The following BBS9 variants were observed in gnomAD, a reference collection of about 807,000 sequenced individuals.
The protein encoded by BBS9 is protein PTHB1.
A neutral mutation model predicts 117.7 loss-of-function variants in BBS9; 89 were observed. The observed-to-expected ratio is 0.76, with a 90% CI of 0.64 to 0.90. BBS9 has a LOEUF of 0.90. Ranked by LOEUF, BBS9 falls within the 40% of genes least tolerant of loss-of-function variation. The pLI is 0.00. For synonymous variants in BBS9, 379 were observed against 370.9 expected (o/e 1.02, Z -0.25); for missense variants, 982 against 1,042.2 (o/e 0.94, Z 0.80).
At chr7:33,397,029 T>C (rs1046761313) in intron 19 of BBS9, among the ~76,000 whole-genome samples, 2 of 151,820 alleles carry the variant, frequency 1.3e-5, no homozygotes, top group South Asian at 2.1e-4. Context: ...ATCATCAGAG[T>C]GAACAGACAA....
intron 21 of BBS9, among the ~76,000 whole-genome samples, chr7:33,537,527 A>G (rs543924171): frequency 6.6e-6 from 1 of 152,320 alleles, no homozygotes; most frequent in African/African-American, 2.4e-5. Context: ...TGGTGAATAT[A>G]GCTTGTAAGG....
At chr7:33,402,503 C>G (rs1829077028) in intron 19 of BBS9, among the ~76,000 whole-genome samples, 1 of 152,252 alleles carries the variant, frequency 6.6e-6, no homozygotes, top group East Asian at 1.9e-4. Context: ...TCCAGTTACA[C>G]CTAATCCTCA....
chr7:33,378,308 T>C (rs1274621259), intron 17 of BBS9, among the ~76,000 whole-genome samples: 1 of 152,236 alleles, frequency 6.6e-6, no homozygotes, highest in African/African-American at 2.4e-5. Context: ...CTAGCACTTA[T>C]CACTCAGCAA....
chr7:33,558,443 G>A (rs1855613415), intron 21 of BBS9, among the ~76,000 whole-genome samples: 1 of 152,314 alleles, frequency 6.6e-6, no homozygotes, highest in Non-Finnish European at 1.5e-5. Flanking sequence ...AGACATTCCA[G>A]AGAGAGGGAA....
chr7:33,409,187 T>C (rs768139383), intron 19 of BBS9, among the ~76,000 whole-genome samples: 33 of 152,242 alleles, frequency 2.2e-4, no homozygotes, highest in Non-Finnish European at 3.7e-4. Context: ...ATTTTTGTTT[T>C]TGTTGCAATT....
At chr7:33,631,259 C>T (rs1161199477) in intron 21 of BBS9, among the ~76,000 whole-genome samples, 2 of 152,120 alleles carry the variant, frequency 1.3e-5, no homozygotes, top group East Asian at 1.9e-4. Flanking sequence ...CCATGCCGGC[C>T]CTGCAGGCGA....
intron 20 of BBS9, among the ~76,000 whole-genome samples, chr7:33,508,708 C>G (rs577284141): frequency 6.6e-6 from 1 of 152,320 alleles, no homozygotes; most frequent in South Asian, 2.1e-4. Flanking sequence ...TTAAGCCAGG[C>G]AGGGCTGGCA....
At chr7:33,630,305 G>A (rs1865826109) in intron 21 of BBS9, among the ~76,000 whole-genome samples, 1 of 151,962 alleles carries the variant, frequency 6.6e-6, no homozygotes, top group Non-Finnish European at 1.5e-5. Flanking sequence ...AAATAAATGA[G>A]GTGCGAAAAG....
chr7:33,233,973 T>C (rs554135492), intron 5 of BBS9, among the ~76,000 whole-genome samples: 16 of 152,230 alleles, frequency 1.1e-4, no homozygotes, highest in African/African-American at 2.9e-4. Context: ...AAGTTTTAAA[T>C]TGCTCTTCAT....
At chr7:33,346,627 A>G (rs1418308100) in intron 12 of BBS9, among the ~76,000 whole-genome samples, 1 of 152,102 alleles carries the variant, frequency 6.6e-6, no homozygotes, top group Non-Finnish European at 1.5e-5. Context: ...TGTTATTTTC[A>G]TTACCTATCT....
chr7:33,280,525 A>G (rs1266735867), intron 9 of BBS9, among the ~76,000 whole-genome samples: 1 of 152,224 alleles, frequency 6.6e-6, no homozygotes, highest in African/African-American at 2.4e-5. Context: ...CCTGCTTATC[A>G]TGGTCTCCCT....
chr7:33,574,139 C>T (rs750456361), intron 21 of BBS9, among the ~76,000 whole-genome samples: 5 of 152,148 alleles, frequency 3.3e-5, no homozygotes, highest in African/African-American at 9.7e-5. Context: ...GTTCCACCTA[C>T]ACCACATCAT....
At chr7:33,462,517 A>G (rs1296970183) in intron 19 of BBS9, among the ~76,000 whole-genome samples, 59 of 152,130 alleles carry the variant, frequency 3.9e-4, no homozygotes, top group Admixed American at 3.9e-3. Context: ...GGGTGACTGT[A>G]AAAAATATTA....
chr7:33,159,167 C>T (rs890533877), intron 4 of BBS9, among the ~76,000 whole-genome samples: 2 of 152,068 alleles, frequency 1.3e-5, no homozygotes, highest in African/African-American at 4.8e-5. Context: ...AAGGAGGCAG[C>T]TTTAGGCTAA....
chr7:33,576,394 A>G (rs147085421), intron 21 of BBS9, among the ~76,000 whole-genome samples: 18,306 of 152,214 alleles, frequency 0.12, 1,505 homozygotes, highest in Admixed American at 0.27. Context: ...CCACTGCTCA[A>G]CAAAATAAAA....
chr7:33,256,262 G>C (rs1797059548), intron 5 of BBS9, among the ~76,000 whole-genome samples: 1 of 152,152 alleles, frequency 6.6e-6, no homozygotes, highest in Non-Finnish European at 1.5e-5. Flanking sequence ...TGAGTATTGA[G>C]AGAATACTTT....
At chr7:33,312,476 T>A (rs1809478663) in intron 9 of BBS9, among the ~76,000 whole-genome samples, 1 of 151,590 alleles carries the variant, frequency 6.6e-6, no homozygotes, top group African/African-American at 2.4e-5. Context: ...AAATGCCGCA[T>A]AGATATTGAG....
Position 33,383,804 on chromosome 7 carries a change from A to G in BBS9, c.1928A>G (p.Gln643Arg), listed in dbSNP as rs1048014676. ...TCTTTTTCGGGATCTATACCCCTTCAAGAATATTTTGAGTTGATTGATCAT... is the reference window on the plus strand; with the variant it reads ...TCTTTTTCGGGATCTATACCCCTTCGAGAATATTTTGAGTTGATTGATCAT... Reference protein sequence around the residue: ...ACSFSGSIPLQEYFELIDHHF... With the variant: ...ACSFSGSIPLREYFELIDHHF... Residue 643 changes from glutamine (Q) to arginine (R), a missense_variant, in exon 18 of 23, where the codon CAA becomes CGA. Gln to Arg is a conservative substitution (Grantham distance 43). Transcript: ENST00000242067. 2.5e-6 allele frequency: 4 copies of G among 1,612,586 alleles called. No homozygotes were observed. The highest frequency in any genetic ancestry group is 2.5e-6 in the Non-Finnish European group (3 of 1,179,894).
intron 19 of BBS9, among the ~76,000 whole-genome samples, chr7:33,443,881 C>T (rs368839111): frequency 3.3e-5 from 5 of 152,084 alleles, no homozygotes; most frequent in Admixed American, 1.3e-4. Flanking sequence ...TATGAGTTAC[C>T]GAAACAGGGA....
Sources: gnomAD v4.1 joint callset for allele counts (sites outside exome capture counted in the v4.1 genomes callset) on GRCh38, gnomAD v4.1.1 for gene constraint, MANE v1.5 for transcripts, NCBI Gene and HGNC (gene_info 2026-07-23, HGNC 2026-07-21) for gene names.